EPC1: variants seen among roughly 807,000 people sequenced by gnomAD.
The protein encoded by EPC1 is enhancer of polycomb 1.
A neutral mutation model predicts 98.4 loss-of-function variants in EPC1; 12 were observed. The observed-to-expected ratio is 0.12, with a 90% CI of 0.08 to 0.20. The LOEUF (loss-of-function observed/expected upper bound fraction) is 0.20. Ranked by LOEUF, EPC1 falls within the 10% of genes least tolerant of loss-of-function variation. EPC1 has a pLI of 1.00. For synonymous variants in EPC1, 357 were observed against 363.9 expected (o/e 0.98, Z 0.21); for missense variants, 729 against 990.5 (o/e 0.74, Z 3.54).
At position 32,268,898 on chromosome 10, in the gene EPC1, CA is replaced by C; in HGVS notation, c.*164del. On this transcript the variant is annotated 3_prime_UTR_variant, in exon 14 of 14. Transcript: ENST00000319778. The stretch of plus-strand genomic sequence containing the variant: ...CAGATGTTGATTTTTTTCCTATTAA[CA>C]GTAAGAAAAGAAAAATTGAAGCATG... 1 of 584,976 alleles carries C rather than the reference CA, an allele frequency of 1.7e-6. No homozygotes were observed. The highest frequency in any genetic ancestry group is 3.2e-5 in the Admixed American group (1 of 31,058). The allele number at this position is 584,976 out of a possible 1,614,324, so 36.2% of individuals were successfully genotyped here. A position where few individuals can be genotyped will look rare whatever the true frequency, so the allele number is the denominator to read the frequency against.
intron 1 of EPC1, among the ~76,000 whole-genome samples, chr10:32,307,487 CT>C (rs1436896708): frequency 9.9e-5 from 15 of 152,266 alleles, no homozygotes; most frequent in African/African-American, 3.6e-4. Flanking sequence ...AGTTTCTTTT[CT>C]TTCAAATGTT....
intron 2 of EPC1, among the ~76,000 whole-genome samples, chr10:32,295,131 C>T (rs1835073664): frequency 6.6e-6 from 1 of 152,054 alleles, no homozygotes; most frequent in Admixed American, 6.5e-5. Flanking sequence ...AGCATGCCTC[C>T]CTATTAGAAT....
At chr10:32,311,967 A>C (rs184802650) in intron 1 of EPC1, among the ~76,000 whole-genome samples, 9 of 152,354 alleles carry the variant, frequency 5.9e-5, no homozygotes, top group African/African-American at 1.9e-4. Context: ...ATTTTAACTT[A>C]GAAATCATTT....
At chr10:32,338,078 CA>C (rs1182941610) in intron 1 of EPC1, among the ~76,000 whole-genome samples, 2 of 152,216 alleles carry the variant, frequency 1.3e-5, no homozygotes, top group African/African-American at 4.8e-5. Flanking sequence ...ACTTCTAGCA[CA>C]AACTGCTCTA....
At chr10:32,339,453 G>A (rs57532848) in intron 1 of EPC1, among the ~76,000 whole-genome samples, 7,630 of 152,172 alleles carry the variant, frequency 0.05, 602 homozygotes, top group African/African-American at 0.17. Context: ...GCTGAGGCAC[G>A]AGAATCGCTT....
chr10:32,334,575 A>C (rs1341897976), intron 1 of EPC1, among the ~76,000 whole-genome samples: 1 of 152,222 alleles, frequency 6.6e-6, no homozygotes, highest in East Asian at 1.9e-4. Context: ...AGTTCTGAAC[A>C]AAAAAAGTAC....
At chr10:32,302,011 C>G (rs896579311) in intron 2 of EPC1, among the ~76,000 whole-genome samples, 1 of 152,054 alleles carries the variant, frequency 6.6e-6, no homozygotes, top group African/African-American at 2.4e-5. Context: ...TGGTGGCTCA[C>G]GCCTGTAATC....
Position 32,284,749 on chromosome 10 carries a change from T to A in EPC1, c.1693A>T (p.Thr565Ser), listed in dbSNP as rs1447916675. Residue 565 changes from threonine (T) to serine (S), a missense_variant, in exon 10 of 14, where the codon ACA becomes TCA. Thr to Ser is a moderately conservative substitution (Grantham distance 58, BLOSUM62 1). Coordinates refer to ENST00000319778, the MANE Select transcript of EPC1 (RefSeq NM_001272004.3). Reference sequence around the variant, plus strand: ...TTACTTTGCGTAGAGGTACTGCATGTCTGGGTCCCAGGTTGTGCTGTTCCT... The same window carrying A: ...TTACTTTGCGTAGAGGTACTGCATGACTGGGTCCCAGGTTGTGCTGTTCCT... ...RTGTAQPGTQ[T>S]CSTSTQSKSS... The A allele has an allele frequency of 1.9e-6, 3 of 1,614,214 alleles. No homozygotes were observed. In the South Asian group the frequency reaches 3.3e-5, roughly 18 times the overall value.
intron 2 of EPC1, among the ~76,000 whole-genome samples, chr10:32,301,042 C>CTATG (rs1564534234): frequency 2.0e-4 from 10 of 50,790 alleles, no homozygotes; most frequent in African/African-American, 6.6e-4. Flanking sequence ...ACATTTATAT[C>CTATG]TATCTATCTA....
intron 1 of EPC1, among the ~76,000 whole-genome samples, chr10:32,335,387 A>C (rs1480576564): frequency 6.6e-6 from 1 of 152,062 alleles, no homozygotes; most frequent in Non-Finnish European, 1.5e-5. Flanking sequence ...ACTCTTCTTT[A>C]CATTCATTCT....
At chr10:32,340,242 A>T (rs953450157) in intron 1 of EPC1, among the ~76,000 whole-genome samples, 8 of 152,266 alleles carry the variant, frequency 5.3e-5, no homozygotes, top group Admixed American at 5.2e-4. Flanking sequence ...TTTATCTTTT[A>T]AAAAATTGAT....
intron 9 of EPC1, 131 bp from the exon 10 acceptor site, chr10:32,285,181 ATTAT>A: frequency 1.5e-6 from 1 of 654,732 alleles, no homozygotes; most frequent in Non-Finnish European, 2.5e-6. Flanking sequence ...TTTAAAGTTG[ATTAT>A]TTTAGTGTTT....
chr10:32,268,714 T>C lies in EPC1; in HGVS notation c.*349A>G. ...GTGATGACACTTCATCTCTATACAA[T>C]CTCACATCTCACACTCTTTGTTGCA... On this transcript the variant is annotated 3_prime_UTR_variant, in exon 14 of 14. Coordinates refer to ENST00000319778, the MANE Select transcript of EPC1 (RefSeq NM_001272004.3). The C allele has an allele frequency of 5.4e-6, 1 of 184,228 alleles. No individual in the cohort carries two copies. 11.4% of individuals were successfully genotyped at this position (184,228 alleles called of 1,614,324 possible).
intron 2 of EPC1, among the ~76,000 whole-genome samples, chr10:32,295,674 T>C (rs975694740): frequency 6.6e-6 from 1 of 152,226 alleles, no homozygotes; most frequent in Non-Finnish European, 1.5e-5. Flanking sequence ...CAGGTCTATG[T>C]TGTCTAATAT....
At chr10:32,304,237 TATTA>T (rs1376976921) in intron 2 of EPC1, among the ~76,000 whole-genome samples, 5 of 152,318 alleles carry the variant, frequency 3.3e-5, no homozygotes, top group East Asian at 1.9e-4. Flanking sequence ...TTAAGACATG[TATTA>T]ATTTTTTCTC....
At chr10:32,271,300 T>A (rs1022990323) in intron 13 of EPC1, among the ~76,000 whole-genome samples, 1 of 152,184 alleles carries the variant, frequency 6.6e-6, no homozygotes, top group African/African-American at 2.4e-5. Flanking sequence ...ATAACTATTG[T>A]TATAGTAAGA....
At chr10:32,303,560 A>G (rs1378291983) in intron 2 of EPC1, among the ~76,000 whole-genome samples, 1 of 152,250 alleles carries the variant, frequency 6.6e-6, no homozygotes, top group Non-Finnish European at 1.5e-5. Flanking sequence ...AAAAGGATAC[A>G]TACTGCATGA....
chr10:32,284,879 G>C lies in EPC1; in HGVS notation c.1563C>G (p.Ile521Met). 1 of 1,614,176 alleles carries C rather than the reference G, an allele frequency of 6.2e-7. No individual in the cohort carries two copies. The highest frequency in any genetic ancestry group is 1.7e-5 in the Admixed American group (1 of 60,018). Residue 521 changes from isoleucine (I) to methionine (M), a missense_variant, in exon 10 of 14, where the codon ATC becomes ATG. By Grantham distance (10) the Ile-to-Met change is conservative (BLOSUM62 1). Coordinates refer to ENST00000319778, the MANE Select transcript of EPC1 (RefSeq NM_001272004.3). ...SKDLSQILVNIKSCRWRHFRP... is the reference protein window; with the variant it reads ...SKDLSQILVNMKSCRWRHFRP... ...TAAAATGCCGCCATCTACATGATTT[G>C]ATATTGACTAGTATCTGACTGAGGT...
At chr10:32,347,827 A>G (rs1284229127), upstream of EPC1, among the ~76,000 whole-genome samples, 1 of 152,268 alleles carries the variant, frequency 6.6e-6, no homozygotes, top group Non-Finnish European at 1.5e-5. Flanking sequence ...ATAATGTTTT[A>G]TAGGCACCGC....
Sources: gnomAD v4.1 joint callset for allele counts (sites outside exome capture counted in the v4.1 genomes callset) on GRCh38, gnomAD v4.1.1 for gene constraint, MANE v1.5 for transcripts, NCBI Gene and HGNC (gene_info 2026-07-23, HGNC 2026-07-21) for gene names.